GIPC3: variants seen among roughly 807,000 people sequenced by gnomAD.
The protein encoded by GIPC3 is PDZ domain-containing protein GIPC3.
Under a neutral mutation model 27.3 loss-of-function variants are expected in GIPC3, and 16 were observed. The observed-to-expected ratio is 0.59, with a 90% CI of 0.40 to 0.89. GIPC3 has a LOEUF of 0.89. Among genes scored for constraint, GIPC3 ranks in the 40% least tolerant of loss-of-function variants. GIPC3 has a pLI of 0.00. For synonymous variants in GIPC3, 194 were observed against 184.6 expected, an observed-to-expected ratio of 1.05 and a Z score of -0.41; for missense variants, 440 against 442.1, an observed-to-expected ratio of 1.00 and a Z score of 0.04.
intron 3 of GIPC3, among the ~76,000 whole-genome samples, chr19:3,588,311 T>C (rs898177507): frequency 2.1e-4 from 32 of 152,164 alleles, no homozygotes; most frequent in Non-Finnish European, 4.1e-4. Context: ...CCCATTTTTT[T>C]TCATAACTAG....
rs893227836 is a variant in GIPC3, at chr19:3,593,534, T to A, written c.*3344T>A. On this transcript the variant is annotated 3_prime_UTR_variant, in exon 6 of 6. Transcript: ENST00000644452. ...TCATGGTGAATAAAGGCACCTTCCA[T>A]CTCTGCAGCCTGGTGTGTCATTTTG... 15 of 386,582 alleles carry A rather than the reference T, an allele frequency of 3.9e-5. No homozygotes were observed. In the East Asian group the frequency reaches 5.2e-4, roughly 13 times the overall value. 23.9% of individuals were successfully genotyped at this position (386,582 alleles called of 1,614,324 possible). A position where few individuals can be genotyped will look rare whatever the true frequency, so the allele number is the denominator to read the frequency against.
rs2032446866 is a variant in GIPC3 at position 3,589,827 on chromosome 19, C to T, written c.706-4C>T. 1 of 1,613,690 alleles carries T rather than the reference C, an allele frequency of 6.2e-7. No individual in the cohort carries two copies. The highest frequency in any genetic ancestry group is 1.1e-5 in the South Asian group (1 of 91,078). The stretch of plus-strand genomic sequence containing the variant: ...CCCCTGACTTCCCTCCCGTGTGCCC[C>T]CAGCCCAGTGAGTTTGAGGAGGAGG... On this transcript the variant is annotated splice_region_variant and splice_polypyrimidine_tract_variant and intron_variant, in intron 4 of 5. Transcript: ENST00000644452.
chr19:3,590,298 C>T lies in GIPC3; in HGVS notation c.*108C>T. ...GGAGGACAAGTTCCTCTCTAGAACC[C>T]AATCCAATTTGGAGCCCCAGCCCAA... is the stretch of plus-strand genomic sequence containing the variant. On this transcript the variant is annotated 3_prime_UTR_variant, in exon 6 of 6. Coordinates refer to ENST00000644452, the MANE Select transcript of GIPC3 (RefSeq NM_133261.3). 6.8e-7 allele frequency: 1 copy of T among 1,475,790 alleles called. No individual in the cohort carries two copies. Among genetic ancestry groups the T allele is most frequent in the Non-Finnish European group, 9.0e-7 (1 of 1,114,036 alleles). 91.4% of individuals were successfully genotyped at this position (1,475,790 alleles called of 1,614,324 possible).
Position 3,586,617 on chromosome 19 carries a change from T to C in GIPC3, c.348T>C (p.Thr116=). Residue 116 remains threonine, a synonymous_variant, in exon 2 of 6, where the codon ACT becomes ACC. Transcript: ENST00000644452. The part of the protein sequence containing the change: ...VRGETKEVEV[T]KTEDALGLTI... Reference sequence around the variant, plus strand: ...GCGAGACCAAGGAGGTGGAGGTCACTAAGACAGAGGATGCTCTGGGGCTGA... The same window carrying C: ...GCGAGACCAAGGAGGTGGAGGTCACCAAGACAGAGGATGCTCTGGGGCTGA... 2 of 1,599,046 alleles carry C rather than the reference T, an allele frequency of 1.3e-6. No homozygotes were observed. The highest frequency in any genetic ancestry group is 1.7e-6 in the Non-Finnish European group (2 of 1,174,182).
Position 3,591,113 on chromosome 19 carries a change from C to T in GIPC3, c.*923C>T. On this transcript the variant is annotated 3_prime_UTR_variant, in exon 6 of 6. Transcript: ENST00000644452. ...CCAAGCCCAGCTCTAGAACTCAGGTCAGCCCTGAGACCAAGCCCAGCTCTA... is the reference window on the plus strand; with the variant it reads ...CCAAGCCCAGCTCTAGAACTCAGGTTAGCCCTGAGACCAAGCCCAGCTCTA... The T allele has an allele frequency of 8.1e-7, 1 of 1,230,466 alleles. No individual in the cohort carries two copies. Among genetic ancestry groups the T allele is most frequent in the Non-Finnish European group, 1.0e-6 (1 of 987,950 alleles). The allele number at this position is 1,230,466 out of a possible 1,614,324, so 76.2% of individuals were successfully genotyped here.
In GIPC3 at chr19:3,591,987, A is replaced by G. The variant is rs1406905694; in HGVS notation, c.*1797A>G. On this transcript the variant is annotated 3_prime_UTR_variant, in exon 6 of 6. Transcript: ENST00000644452. ...CCCAAGCACCGCACCCAGCTCTGGA[A>G]CTCAGCTCAGTTCTGGAGCACAGGC... 1 of 1,232,002 alleles carries G rather than the reference A, an allele frequency of 8.1e-7. No homozygotes were observed. Among genetic ancestry groups the G allele is most frequent in the African/African-American group, 1.6e-5 (1 of 64,416 alleles). 76.3% of individuals were successfully genotyped at this position (1,232,002 alleles called of 1,614,324 possible). A position where few individuals can be genotyped will look rare whatever the true frequency, so the allele number is the denominator to read the frequency against.
chr19:3,586,683 G>C lies in GIPC3; in HGVS notation c.411+3G>C. On this transcript the variant is annotated splice_donor_region_variant and intron_variant, in intron 2 of 5. Coordinates refer to ENST00000644452, the MANE Select transcript of GIPC3 (RefSeq NM_133261.3). The stretch of plus-strand genomic sequence containing the variant: ...GGGCTGGCTACGCCTTCATCAAGGT[G>C]CCCGGGAGGGGGTGGGCGGGTGGCT... 9.5e-7 allele frequency: 1 copy of C among 1,047,552 alleles called. No homozygotes were observed. Among genetic ancestry groups the C allele is most frequent in the Non-Finnish European group, 1.4e-6 (1 of 702,756 alleles). The allele number at this position is 1,047,552 out of a possible 1,614,324, so 64.9% of individuals were successfully genotyped here. A position where few individuals can be genotyped will look rare whatever the true frequency, so the allele number is the denominator to read the frequency against.
Position 3,592,461 on chromosome 19 carries a change from A to C in GIPC3, c.*2271A>C. 8.1e-7 allele frequency: 1 copy of C among 1,231,758 alleles called. No homozygotes were observed. Among genetic ancestry groups the C allele is most frequent in the Non-Finnish European group, 1.0e-6 (1 of 987,872 alleles). 76.3% of individuals were successfully genotyped at this position (1,231,758 alleles called of 1,614,324 possible). On this transcript the variant is annotated 3_prime_UTR_variant, in exon 6 of 6. Coordinates refer to ENST00000644452, the MANE Select transcript of GIPC3 (RefSeq NM_133261.3). ...AGCCCAACCCAGCTCCAGAACTCAG[A>C]CTAGTTCTGGAAACCAGCTCAGCTC... is the stretch of plus-strand genomic sequence containing the variant.
At position 3,592,560 on chromosome 19, in the gene GIPC3, G is replaced by A; in HGVS notation, c.*2370G>A. The A allele has an allele frequency of 8.1e-7, 1 of 1,231,694 alleles. No homozygotes were observed. Among genetic ancestry groups the A allele is most frequent in the Non-Finnish European group, 1.0e-6 (1 of 987,822 alleles). 76.3% of individuals were successfully genotyped at this position (1,231,694 alleles called of 1,614,324 possible). The stretch of plus-strand genomic sequence containing the variant: ...TAGCTCCAGAACCCAGTCCAGTCCT[G>A]AGACCAGGCTCAGCTCTGAGGCTCA... On this transcript the variant is annotated 3_prime_UTR_variant, in exon 6 of 6. Coordinates refer to ENST00000644452, the MANE Select transcript of GIPC3 (RefSeq NM_133261.3).
chr19:3,590,162 T>A lies in GIPC3; in HGVS notation c.911T>A (p.Ile304Asn). ...DEFVVEVWAA[I>N]GEAREACG ...TTTGTGGTGGAAGTGTGGGCCGCCATCGGCGAGGCCAGAGAGGCCTGTGGC... is the reference window on the plus strand; with the variant it reads ...TTTGTGGTGGAAGTGTGGGCCGCCAACGGCGAGGCCAGAGAGGCCTGTGGC... The change falls in exon 6 of 6, where the codon ATC becomes AAC. Residue 304 changes from isoleucine to asparagine, a missense_variant. By Grantham distance (149) the Ile-to-Asn change is moderately radical. Coordinates refer to ENST00000644452, the MANE Select transcript of GIPC3 (RefSeq NM_133261.3). The A allele has an allele frequency of 6.2e-7, 1 of 1,607,538 alleles. No homozygotes were observed. The highest frequency in any genetic ancestry group is 8.5e-7 in the Non-Finnish European group (1 of 1,177,668).
In GIPC3 at chr19:3,593,045, A is replaced by C; in HGVS notation, c.*2855A>C. ...CCAGCCTTGGCCCCATCCCAGGCTTACCCCAAGCCTCCTACCTGGCCCCAC... is the reference window on the plus strand; with the variant it reads ...CCAGCCTTGGCCCCATCCCAGGCTTCCCCCAAGCCTCCTACCTGGCCCCAC... On this transcript the variant is annotated 3_prime_UTR_variant, in exon 6 of 6. Coordinates refer to ENST00000644452, the MANE Select transcript of GIPC3 (RefSeq NM_133261.3). 2 of 1,228,002 alleles carry C rather than the reference A, an allele frequency of 1.6e-6. No homozygotes were observed. Among genetic ancestry groups the C allele is most frequent in the Non-Finnish European group, 2.0e-6 (2 of 987,838 alleles). The allele number at this position is 1,228,002 out of a possible 1,614,324, so 76.1% of individuals were successfully genotyped here. A position where few individuals can be genotyped will look rare whatever the true frequency, so the allele number is the denominator to read the frequency against.
At chr19:3,588,483 G>A (rs1458654815) in intron 3 of GIPC3, among the ~76,000 whole-genome samples, 1 of 151,942 alleles carries the variant, frequency 6.6e-6, no homozygotes, top group Non-Finnish European at 1.5e-5. Flanking sequence ...AGAGTGAGCT[G>A]TATGGGGTTC....
Position 3,591,308 on chromosome 19 carries a change from G to T in GIPC3, c.*1118G>T, listed in dbSNP as rs2032485024. ...AGACGAAGCACATCTCTAGAATCCA[G>T]CTGAGCCCTGACAACAAGCCAAACT... On this transcript the variant is annotated 3_prime_UTR_variant, in exon 6 of 6. Transcript: ENST00000644452. 5 of 1,232,544 alleles carry T rather than the reference G, an allele frequency of 4.1e-6. No homozygotes were observed. Among genetic ancestry groups the T allele is most frequent in the Non-Finnish European group, 5.1e-6 (5 of 988,332 alleles). 76.4% of individuals were successfully genotyped at this position (1,232,544 alleles called of 1,614,324 possible).
In GIPC3 at chr19:3,586,681, G is replaced by A. The variant is rs876657692; in HGVS notation, c.411+1G>A. ...CGGGGCTGGCTACGCCTTCATCAAGGTGCCCGGGAGGGGGTGGGCGGGTGG... is the reference window on the plus strand; with the variant it reads ...CGGGGCTGGCTACGCCTTCATCAAGATGCCCGGGAGGGGGTGGGCGGGTGG... On this transcript the variant is annotated splice_donor_variant, in intron 2 of 5. Transcript: ENST00000644452. LOFTEE classifies it high-confidence loss of function. 1 of 1,611,360 alleles carries A rather than the reference G, an allele frequency of 6.2e-7. No individual in the cohort carries two copies. Among genetic ancestry groups the A allele is most frequent in the Non-Finnish European group, 8.5e-7 (1 of 1,178,938 alleles).
At position 3,589,452 on chromosome 19, in the gene GIPC3, G is replaced by C; in HGVS notation, c.602G>C (p.Gly201Ala). The change falls in exon 4 of 6, where the codon GGC becomes GCC. Residue 201 changes from glycine to alanine, a missense_variant. By Grantham distance (60) the Gly-to-Ala change is moderately conservative. Coordinates refer to ENST00000644452, the MANE Select transcript of GIPC3 (RefSeq NM_133261.3). Reference protein sequence around the residue: ...VQPKRAFDMIGQRSRSSKCPV... With the variant: ...VQPKRAFDMIAQRSRSSKCPV... ...ACTCTGTTCCCTCCAGATATGATTG[G>C]CCAGAGAAGTCGGTCCAGCAAATGT... The C allele has an allele frequency of 6.2e-7, 1 of 1,613,484 alleles. No homozygotes were observed. The highest frequency in any genetic ancestry group is 8.5e-7 in the Non-Finnish European group (1 of 1,179,500).
rs754234297 is a variant in GIPC3, at chr19:3,589,590, G to A, written c.705+35G>A. 3.9e-6 allele frequency: 6 copies of A among 1,524,698 alleles called. No homozygotes were observed. In the South Asian group the frequency reaches 6.7e-5, roughly 17 times the overall value. 94.4% of individuals were successfully genotyped at this position (1,524,698 alleles called of 1,614,324 possible). ...GGGGAGGGGCTCTCCCCAGGCTTCT[G>A]CACCTTCAGCTCCTCCACTGAGTCA... On this transcript the variant is annotated intron_variant, in intron 4 of 5. Transcript: ENST00000644452.
In GIPC3 at chr19:3,585,492, G is replaced by T; in HGVS notation, c.-106G>T. ...TCGGGTTCCCAGATCCCCTTACCCGGGCGTCTCGGCTGTCGCGCCCTGGGC... is the reference window on the plus strand; with the variant it reads ...TCGGGTTCCCAGATCCCCTTACCCGTGCGTCTCGGCTGTCGCGCCCTGGGC... On this transcript the variant is annotated 5_prime_UTR_variant, in exon 1 of 6. Transcript: ENST00000644452. The T allele has an allele frequency of 1.0e-6, 1 of 993,762 alleles. No homozygotes were observed. The highest frequency in any genetic ancestry group is 1.7e-5 in the African/African-American group (1 of 57,404). The allele number at this position is 993,762 out of a possible 1,614,324, so 61.6% of individuals were successfully genotyped here. A position where few individuals can be genotyped will look rare whatever the true frequency, so the allele number is the denominator to read the frequency against.
intron 3 of GIPC3, among the ~76,000 whole-genome samples, chr19:3,587,561 C>T (rs538376921): frequency 1.3e-5 from 2 of 152,136 alleles, no homozygotes; most frequent in South Asian, 2.1e-4. Context: ...GGATTATAGG[C>T]GTGAGCCACC....
intron 3 of GIPC3, among the ~76,000 whole-genome samples, 200 bp downstream of exon 3, chr19:3,587,194 G>A (rs2032387348): frequency 6.6e-6 from 1 of 152,160 alleles, no homozygotes; most frequent in Non-Finnish European, 1.5e-5. Context: ...GGGGAGGGGT[G>A]GGGGAGAGAC....
Sources: gnomAD v4.1 joint callset for allele counts (sites outside exome capture counted in the v4.1 genomes callset) on GRCh38, gnomAD v4.1.1 for gene constraint, MANE v1.5 for transcripts, NCBI Gene and HGNC (gene_info 2026-07-23, HGNC 2026-07-21) for gene names.